Variants in PRKAR1B observed in about 807,000 individuals in gnomAD.
PRKAR1B encodes the protein protein kinase cAMP-dependent type I regulatory subunit beta.
PRKAR1B carries 22 observed loss-of-function variants against 46.5 expected under a neutral mutation model. That is an observed-to-expected ratio of 0.47 (90% CI 0.34 to 0.68). PRKAR1B has a LOEUF of 0.68. Ranked by LOEUF, PRKAR1B falls within the 30% of genes least tolerant of loss-of-function variation. The pLI, the probability that PRKAR1B is intolerant of heterozygous loss-of-function variation, is 0.01. For synonymous variants in PRKAR1B, 259 were observed against 217.7 expected (o/e 1.19, Z -1.67); for missense variants, 445 against 535.6 (o/e 0.83, Z 1.67).
At chr7:699,676 G>A (rs1463552395) in intron 2 of PRKAR1B, among the ~76,000 whole-genome samples, 1 of 152,166 alleles carries the variant, frequency 6.6e-6, no homozygotes, top group East Asian at 1.9e-4. Flanking sequence ...GCTGAAGAGC[G>A]GCCAGCTGCA....
At chr7:553,880 C>T (rs535953385) in intron 9 of PRKAR1B, among the ~76,000 whole-genome samples, 6 of 152,378 alleles carry the variant, frequency 3.9e-5, no homozygotes, top group Non-Finnish European at 7.3e-5. Context: ...AGGCCTCTGC[C>T]GTGTTTATGA....
intron 2 of PRKAR1B, among the ~76,000 whole-genome samples, chr7:703,124 CA>C (rs1294009414): frequency 6.6e-6 from 1 of 152,112 alleles, no homozygotes; most frequent in African/African-American, 2.4e-5. Flanking sequence ...TCAGATAAAG[CA>C]GACTTCAGAA....
chr7:695,815 C>T (rs1779703568), intron 2 of PRKAR1B, among the ~76,000 whole-genome samples: 1 of 152,020 alleles, frequency 6.6e-6, no homozygotes, highest in South Asian at 2.1e-4. Context: ...AGGTGCCTGC[C>T]ACCATGCCCG....
At chr7:686,759 A>C (rs1161425823) in intron 2 of PRKAR1B, among the ~76,000 whole-genome samples, 1 of 152,116 alleles carries the variant, frequency 6.6e-6, no homozygotes, top group Non-Finnish European at 1.5e-5. Context: ...GCCAATTTCA[A>C]GGAGAAGACA....
intron 9 of PRKAR1B, chr7:578,762 A>G: frequency 4.8e-6 from 1 of 210,022 alleles, no homozygotes; most frequent in East Asian, 1.5e-4. Flanking sequence ...GCTCACTGCA[A>G]CCTCCATCTC....
chr7:665,048 C>T (rs114862275), intron 4 of PRKAR1B, among the ~76,000 whole-genome samples: 2 of 152,130 alleles, frequency 1.3e-5, no homozygotes, highest in Non-Finnish European at 2.9e-5. Flanking sequence ...TCAGACAAAG[C>T]AAGAGGGCTT....
intron 4 of PRKAR1B, among the ~76,000 whole-genome samples, chr7:650,579 C>A (rs564347541): frequency 6.6e-6 from 1 of 152,222 alleles, no homozygotes; most frequent in Admixed American, 6.5e-5. Flanking sequence ...CCCCTGCACA[C>A]GTCCCGCCAT....
chr7:572,012 C>A (rs1194746817), intron 9 of PRKAR1B, among the ~76,000 whole-genome samples: 1 of 152,226 alleles, frequency 6.6e-6, no homozygotes, highest in African/African-American at 2.4e-5. Context: ...GCCACAGGAC[C>A]GAGGACTCTG....
chr7:638,408 G>A (rs1211105822), intron 4 of PRKAR1B, among the ~76,000 whole-genome samples: 3 of 152,106 alleles, frequency 2.0e-5, no homozygotes, highest in Non-Finnish European at 4.4e-5. Context: ...TCGTCCCCCG[G>A]GGGCCTCGGG....
intron 9 of PRKAR1B, among the ~76,000 whole-genome samples, chr7:575,880 G>A (rs966060395): frequency 2.0e-5 from 3 of 152,190 alleles, no homozygotes; most frequent in African/African-American, 7.2e-5. Flanking sequence ...CCCAACAGCC[G>A]CCTTTAATAC....
intron 6 of PRKAR1B, among the ~76,000 whole-genome samples, chr7:597,607 G>C (rs1266002648): frequency 2.6e-5 from 4 of 152,240 alleles, no homozygotes; most frequent in African/African-American, 9.6e-5. Context: ...GATACGTGGA[G>C]GAGGCAGCAA....
At chr7:618,404 C>G (rs950317302) in intron 4 of PRKAR1B, among the ~76,000 whole-genome samples, 1 of 152,230 alleles carries the variant, frequency 6.6e-6, no homozygotes, top group Non-Finnish European at 1.5e-5. Flanking sequence ...CCATAGCCCT[C>G]TCGGTCTGTG....
chr7:582,534 C>G (rs1479422897), intron 8 of PRKAR1B, among the ~76,000 whole-genome samples: 2 of 152,246 alleles, frequency 1.3e-5, no homozygotes, highest in Non-Finnish European at 2.9e-5. Context: ...TTGCTGGCTG[C>G]TGCATTAATC....
At chr7:552,900 C>T (rs139119045) in intron 9 of PRKAR1B, among the ~76,000 whole-genome samples, 2 of 152,252 alleles carry the variant, frequency 1.3e-5, no homozygotes, top group Non-Finnish European at 1.5e-5. Context: ...TCCTGACCCC[C>T]GACACGGGGA....
At chr7:583,353 A>T (rs558410655) in intron 8 of PRKAR1B, among the ~76,000 whole-genome samples, 15 of 151,138 alleles carry the variant, frequency 9.9e-5, no homozygotes, top group Admixed American at 3.9e-4. Flanking sequence ...ACGTGCACAC[A>T]CACAGGCGCA....
intron 8 of PRKAR1B, among the ~76,000 whole-genome samples, chr7:583,592 A>AAACAT (rs1780400321): frequency 1.5e-5 from 1 of 65,734 alleles, no homozygotes; most frequent in Admixed American, 1.3e-4. Flanking sequence ...GCACACTCCC[A>AAACAT]GGTGCACACA....
intron 9 of PRKAR1B, among the ~76,000 whole-genome samples, chr7:577,348 G>A (rs975686129): frequency 3.3e-5 from 5 of 152,194 alleles, no homozygotes; most frequent in African/African-American, 7.2e-5. Flanking sequence ...GTGTTTCGGC[G>A]AGGACGGGAC....
intron 7 of PRKAR1B, among the ~76,000 whole-genome samples, chr7:590,329 G>A (rs560122226): frequency 2.4e-4 from 37 of 152,398 alleles, no homozygotes; most frequent in African/African-American, 8.9e-4. Context: ...GCAGCTGAGA[G>A]CACAGAGCTG....
intron 2 of PRKAR1B, among the ~76,000 whole-genome samples, chr7:704,465 G>A (rs1008951481): frequency 3.3e-5 from 5 of 152,172 alleles, no homozygotes; most frequent in East Asian, 1.9e-4. Context: ...TAAATGAAAC[G>A]GAACAATGCC....
Sources: gnomAD v4.1 joint callset for allele counts (sites outside exome capture counted in the v4.1 genomes callset) on GRCh38, gnomAD v4.1.1 for gene constraint, MANE v1.5 for transcripts, NCBI Gene and HGNC (gene_info 2026-07-23, HGNC 2026-07-21) for gene names.